The following SLC38A12 variants were observed in gnomAD, a reference collection of about 807,000 sequenced individuals.
SLC38A12 encodes solute carrier family 38 member 12.
the SLC38A12 span, among the ~76,000 whole-genome samples, chr17:74,811,144 A>C: frequency 6.6e-6 from 1 of 152,192 alleles, no homozygotes; most frequent in African/African-American, 2.4e-5. Flanking sequence ...AGCCTGGGCA[A>C]TATGGTAAGA....
At chr17:74,837,027 A>G in the SLC38A12 span, 384 of 1,091,934 alleles carry the variant, frequency 3.5e-4, 3 homozygotes, top group East Asian at 0.017. Flanking sequence ...TACTCCCTGC[A>G]CAATGGGAGA....
chr17:74,804,386 A>G, the SLC38A12 span, among the ~76,000 whole-genome samples: 23 of 152,262 alleles, frequency 1.5e-4, no homozygotes, highest in African/African-American at 5.3e-4. Context: ...TGCGCTGTGC[A>G]GTGCACCCTG....
chr17:74,809,226 AAAAGGGGG>A, the SLC38A12 span, among the ~76,000 whole-genome samples: 2 of 152,134 alleles, frequency 1.3e-5, no homozygotes, highest in Admixed American at 6.5e-5. Flanking sequence ...ACTTGCCTTG[AAAAGGGGG>A]AAGCAGAGGT....
chr17:74,806,151 C>G, the SLC38A12 span, among the ~76,000 whole-genome samples: 1 of 152,182 alleles, frequency 6.6e-6, no homozygotes, highest in Non-Finnish European at 1.5e-5. Context: ...GAGGGTCCCC[C>G]ATCCTCTGTC....
chr17:74,825,214 G>T, the SLC38A12 span, among the ~76,000 whole-genome samples: 2 of 152,190 alleles, frequency 1.3e-5, no homozygotes, highest in Non-Finnish European at 2.9e-5. Context: ...GCCCTGCACG[G>T]CCCAGGTCTC....
the SLC38A12 span, among the ~76,000 whole-genome samples, chr17:74,824,214 C>T: frequency 3.3e-5 from 5 of 152,220 alleles, no homozygotes; most frequent in South Asian, 8.3e-4. Context: ...GAGGAGGCCT[C>T]TCTGCTCCGC....
At chr17:74,811,891 A>C in the SLC38A12 span, among the ~76,000 whole-genome samples, 1 of 151,852 alleles carries the variant, frequency 6.6e-6, no homozygotes, top group East Asian at 1.9e-4. Flanking sequence ...TAATAATAAT[A>C]ATTAATTAGC....
chr17:74,785,122 G>A, the SLC38A12 span, among the ~76,000 whole-genome samples: 1 of 152,156 alleles, frequency 6.6e-6, no homozygotes, highest in East Asian at 1.9e-4. Flanking sequence ...TCACCTTTGT[G>A]CCAGGTACCC....
At chr17:74,778,823 C>T in the SLC38A12 span, among the ~76,000 whole-genome samples, 1 of 151,888 alleles carries the variant, frequency 6.6e-6, no homozygotes, top group Non-Finnish European at 1.5e-5. Context: ...CATGCACCAC[C>T]CTGCCCAGCT....
the SLC38A12 span, chr17:74,777,298 A>T: frequency 1.9e-6 from 3 of 1,614,122 alleles, no homozygotes; most frequent in Non-Finnish European, 2.5e-6. Flanking sequence ...CACCTAAGGA[A>T]CCTCTGCTGC....
At chr17:74,821,567 A>G in the SLC38A12 span, among the ~76,000 whole-genome samples, 1 of 152,246 alleles carries the variant, frequency 6.6e-6, no homozygotes, top group South Asian at 2.1e-4. Context: ...AGTCAGAGTC[A>G]GCAGGGATCA....
At chr17:74,834,428 C>T in the SLC38A12 span, among the ~76,000 whole-genome samples, 1 of 152,124 alleles carries the variant, frequency 6.6e-6, no homozygotes, top group Admixed American at 6.5e-5. Context: ...CCACGCTCCC[C>T]TCCTCCCCTC....
chr17:74,836,964 C>T, the SLC38A12 span: 1 of 1,261,224 alleles, frequency 7.9e-7, no homozygotes, highest in Non-Finnish European at 1.0e-6. This position sits in a 1 kb window ranked among gnomAD's most constrained non-coding sequence, Gnocchi z 4.2. Context: ...GGAATCACAC[C>T]TCTCCCACAT....
the SLC38A12 span, among the ~76,000 whole-genome samples, chr17:74,776,753 A>AGTAG: frequency 2.0e-5 from 3 of 151,872 alleles, no homozygotes; most frequent in African/African-American, 7.2e-5. Flanking sequence ...ACCCTAAGAG[A>AGTAG]GTAGGTGGGG....
the SLC38A12 span, among the ~76,000 whole-genome samples, chr17:74,792,325 C>G: frequency 2.6e-5 from 4 of 151,986 alleles, no homozygotes; most frequent in African/African-American, 7.3e-5. Context: ...GTGGTGCACA[C>G]CTGTGGTCCC....
At chr17:74,790,975 C>G in the SLC38A12 span, 3 of 1,614,120 alleles carry the variant, frequency 1.9e-6, no homozygotes, top group East Asian at 6.7e-5. Context: ...GATCTCCCAA[C>G]CCGTTTGAAA....
chr17:74,791,225 G>A, the SLC38A12 span, among the ~76,000 whole-genome samples: 60 of 152,244 alleles, frequency 3.9e-4, no homozygotes, highest in African/African-American at 1.1e-3. Context: ...CCCTGTCTGC[G>A]GGCATTAAAA....
the SLC38A12 span, among the ~76,000 whole-genome samples, chr17:74,798,555 G>A: frequency 2.0e-5 from 3 of 152,122 alleles, no homozygotes; most frequent in Non-Finnish European, 2.9e-5. Flanking sequence ...TCCTTCCCTG[G>A]AGGAGCCACA....
the SLC38A12 span, among the ~76,000 whole-genome samples, chr17:74,824,295 C>G: frequency 6.6e-6 from 1 of 152,178 alleles, no homozygotes; most frequent in African/African-American, 2.4e-5. Flanking sequence ...AGGCTCATCT[C>G]ACAGAGGGGC....
Sources: allele counts gnomAD v4.1 joint callset (sites outside exome capture counted in the v4.1 genomes callset), GRCh38; gene constraint gnomAD v4.1.1; non-coding constraint Gnocchi (gnomAD v3.1); transcripts MANE v1.5; gene names NCBI Gene and HGNC (gene_info 2026-07-23, HGNC 2026-07-21).